The following CLSTN2 variants were observed in gnomAD, a reference collection of about 807,000 sequenced individuals.
CLSTN2 encodes calsyntenin 2, also known as calsyntenin-2.
In CLSTN2, 48 loss-of-function variants were observed where a neutral mutation model predicts 101.2. The observed-to-expected ratio is 0.47, with a 90% CI of 0.38 to 0.60. The LOEUF (loss-of-function observed/expected upper bound fraction) is 0.60. Among genes scored for constraint, CLSTN2 ranks in the 20% least tolerant of loss-of-function variants. CLSTN2 has a pLI of 0.00. For synonymous variants in CLSTN2, 481 were observed against 463.6 expected, an observed-to-expected ratio of 1.04 and a Z score of -0.48; for missense variants, 1,160 against 1,238.2, an observed-to-expected ratio of 0.94 and a Z score of 0.95.
chr3:140,170,243 C>T (rs2010191543), intron 1 of CLSTN2, among the ~76,000 whole-genome samples: 1 of 152,078 alleles, frequency 6.6e-6, no homozygotes, highest in Admixed American at 6.5e-5. Flanking sequence ...AATTATTGTA[C>T]AATACTTGGC....
intron 8 of CLSTN2, among the ~76,000 whole-genome samples, chr3:140,496,535 T>C (rs563651765): frequency 7.9e-5 from 12 of 152,318 alleles, no homozygotes. Flanking sequence ...CATCCTTGTC[T>C]TGTGGCAGTT....
chr3:140,093,573 G>A (rs2008816851), intron 1 of CLSTN2, among the ~76,000 whole-genome samples: 1 of 152,112 alleles, frequency 6.6e-6, no homozygotes. Context: ...CAGAGGGTGG[G>A]GTGAGCTCTG....
At chr3:140,227,423 A>C (rs1222873325) in intron 2 of CLSTN2, among the ~76,000 whole-genome samples, 5 of 152,184 alleles carry the variant, frequency 3.3e-5, no homozygotes, top group African/African-American at 4.8e-5. Context: ...AAGCTACATT[A>C]CTGTGGCTTC....
At chr3:140,170,857 T>G (rs1342726285) in intron 1 of CLSTN2, among the ~76,000 whole-genome samples, 2 of 152,154 alleles carry the variant, frequency 1.3e-5, no homozygotes, top group Non-Finnish European at 2.9e-5. Context: ...TCGTGGGAAC[T>G]GAAACTCTGA....
intron 1 of CLSTN2, among the ~76,000 whole-genome samples, chr3:139,990,763 C>A (rs1936100329): frequency 6.6e-6 from 1 of 152,150 alleles, no homozygotes; most frequent in South Asian, 2.1e-4. Context: ...CAGGAAGGTG[C>A]TAGACAAGAT....
chr3:140,226,360 A>T (rs1055232744), intron 2 of CLSTN2, among the ~76,000 whole-genome samples: 1 of 152,202 alleles, frequency 6.6e-6, no homozygotes, highest in African/African-American at 2.4e-5. Context: ...AGATGTTATC[A>T]CTGGGAAAAG....
In CLSTN2 at chr3:140,564,070, G is replaced by T; in HGVS notation, c.2592G>T (p.Gln864His). ...RVRIAHQHFI[Q>H]ETEAAKESEM... ...GGATCGCCCACCAGCACTTCATCCA[G>T]GAGACTGAGGCTGCCAAGGAATCTG... Residue 864 changes from glutamine (Q) to histidine (H), a missense_variant, in exon 16 of 17, where the codon CAG becomes CAT. Coordinates refer to ENST00000458420, the MANE Select transcript of CLSTN2 (RefSeq NM_022131.3). 1 of 1,614,140 alleles carries T rather than the reference G, an allele frequency of 6.2e-7. No individual in the cohort carries two copies. The highest frequency in any genetic ancestry group is 8.5e-7 in the Non-Finnish European group (1 of 1,180,014).
chr3:140,317,135 T>A (rs932020145), intron 2 of CLSTN2, among the ~76,000 whole-genome samples: 1 of 152,214 alleles, frequency 6.6e-6, no homozygotes, highest in African/African-American at 2.4e-5. Flanking sequence ...TTCTTTATAA[T>A]GATGCTAAGA....
At chr3:140,413,811 T>C (rs1234502379) in intron 4 of CLSTN2, among the ~76,000 whole-genome samples, 5 of 152,082 alleles carry the variant, frequency 3.3e-5, no homozygotes, top group Non-Finnish European at 5.9e-5. Context: ...TCATATGATA[T>C]CTCAATAGAT....
chr3:140,060,982 C>G (rs1292430417), intron 1 of CLSTN2, among the ~76,000 whole-genome samples: 1 of 152,094 alleles, frequency 6.6e-6, no homozygotes, highest in Non-Finnish European at 1.5e-5. Flanking sequence ...CGATCAGGAC[C>G]AGACATAGGG....
At chr3:140,253,478 A>T (rs977257416) in intron 2 of CLSTN2, among the ~76,000 whole-genome samples, 3 of 152,222 alleles carry the variant, frequency 2.0e-5, no homozygotes, top group African/African-American at 7.2e-5. Context: ...TCAAATTTGT[A>T]TAATTGCTCT....
At chr3:139,991,339 C>T (rs1936111055) in intron 1 of CLSTN2, among the ~76,000 whole-genome samples, 1 of 152,110 alleles carries the variant, frequency 6.6e-6, no homozygotes, top group African/African-American at 2.4e-5. Context: ...ATATAAAATG[C>T]TTATTTATGT....
In CLSTN2 at chr3:140,387,808, A is replaced by G. The variant is rs916795105; in HGVS notation, c.233-15821A>G. Reference sequence around the variant, plus strand: ...AAAGCTTTGCTTTTTTAGAAATGTCATAGTAGACGTGGGCTACATTTTGGT... The same window carrying G: ...AAAGCTTTGCTTTTTTAGAAATGTCGTAGTAGACGTGGGCTACATTTTGGT... On this transcript the variant is annotated intron_variant, in intron 2 of 16. Transcript: ENST00000458420. 1.2e-4 allele frequency among the ~76,000 whole-genome samples: 19 copies of G among 152,382 alleles called. No individual in the cohort carries two copies. The South Asian group carries it at 1.9e-3, about 15-fold the overall frequency.
intron 2 of CLSTN2, among the ~76,000 whole-genome samples, chr3:140,370,894 CT>C (rs2087848039): frequency 6.6e-6 from 1 of 152,184 alleles, no homozygotes; most frequent in South Asian, 2.1e-4. Context: ...CCACCCACCC[CT>C]AACCTGGACA....
At position 139,935,664 on chromosome 3, in the gene CLSTN2, A is replaced by G. The variant is rs527690134; in HGVS notation, c.109+181A>G. ...CCTGCGCAGCGGACCAGAGAGGTCC[A>G]CCCGCGGACGTCAACTCAACCCCTG... On this transcript the variant is annotated intron_variant, in intron 1 of 16. Coordinates refer to ENST00000458420, the MANE Select transcript of CLSTN2 (RefSeq NM_022131.3). The surrounding 1 kb of genome is among the most constrained non-coding windows in gnomAD (Gnocchi z 5.5). 1.3e-5 allele frequency among the ~76,000 whole-genome samples: 2 copies of G among 152,118 alleles called. No homozygotes were observed. Among genetic ancestry groups the G allele is most frequent in the Non-Finnish European group, 2.9e-5 (2 of 68,018 alleles).
At chr3:140,501,497 T>A (rs1934576127) in intron 8 of CLSTN2, among the ~76,000 whole-genome samples, 1 of 152,178 alleles carries the variant, frequency 6.6e-6, no homozygotes, top group Non-Finnish European at 1.5e-5. Context: ...CTGTAAGAGC[T>A]CCACAGTGGG....
At chr3:140,466,752 CTG>C (rs1196953555) in intron 8 of CLSTN2, 21 bp downstream of exon 8, 2 of 1,613,602 alleles carry the variant, frequency 1.2e-6, no homozygotes, top group East Asian at 4.5e-5. Flanking sequence ...CACCTCACAC[CTG>C]CTGCTACTCA....
intron 1 of CLSTN2, among the ~76,000 whole-genome samples, chr3:140,082,688 A>T (rs541629300): frequency 5.3e-5 from 8 of 151,856 alleles, no homozygotes; most frequent in Non-Finnish European, 1.2e-4. Flanking sequence ...CCCTTTCTGG[A>T]GTTGTCTTGC....
chr3:140,159,378 C>G (rs1385145880), intron 1 of CLSTN2, among the ~76,000 whole-genome samples: 1 of 152,100 alleles, frequency 6.6e-6, no homozygotes, highest in African/African-American at 2.4e-5. Flanking sequence ...ACAGACACTT[C>G]TCAAAAGAAG....
Sources: allele counts gnomAD v4.1 joint callset (sites outside exome capture counted in the v4.1 genomes callset), GRCh38; gene constraint gnomAD v4.1.1; non-coding constraint Gnocchi (gnomAD v3.1); transcripts MANE v1.5; gene names NCBI Gene and HGNC (gene_info 2026-07-23, HGNC 2026-07-21).